Variants in ARHGAP23 observed in about 807,000 individuals in gnomAD.
ARHGAP23 encodes the protein rho GTPase-activating protein 23.
A neutral mutation model predicts 136.3 loss-of-function variants in ARHGAP23; 34 were observed. The observed-to-expected ratio is 0.25, with a 90% CI of 0.19 to 0.33. The LOEUF (loss-of-function observed/expected upper bound fraction) is 0.33, where lower values mean the gene tolerates loss of function less well. ARHGAP23 is among the 10% of genes least tolerant of loss of function. ARHGAP23 has a pLI of 1.00. For missense variants in ARHGAP23, 1,808 were observed against 2,139.0 expected (o/e 0.85, Z 3.05); for synonymous variants, 832 against 920.5 (o/e 0.90, Z 1.74).
At chr17:38,482,215 G>A (rs2040061217) in intron 15 of ARHGAP23, 72 bp downstream of exon 15, 1 of 1,523,930 alleles carries the variant, frequency 6.6e-7, no homozygotes, top group Admixed American at 2.3e-5. Context: ...GAGCAGCAAG[G>A]GACATGGAAC....
intron 11 of ARHGAP23, among the ~76,000 whole-genome samples, chr17:38,474,743 A>C (rs2039850145): frequency 7.1e-6 from 1 of 141,834 alleles, no homozygotes; most frequent in Non-Finnish European, 1.6e-5. Flanking sequence ...GACCCGGCTG[A>C]GCCTTGAGAG....
At chr17:38,494,303 G>A (rs2040341841) in intron 20 of ARHGAP23, among the ~76,000 whole-genome samples, 1 of 152,202 alleles carries the variant, frequency 6.6e-6, no homozygotes, top group African/African-American at 2.4e-5. Flanking sequence ...AAGCACTCGC[G>A]GCGGTGCCTG....
intron 1 of ARHGAP23, among the ~76,000 whole-genome samples, chr17:38,456,345 A>C (rs59964389): frequency 0.26 from 40,052 of 152,062 alleles, 5,646 homozygotes; most frequent in East Asian, 0.43. Context: ...GAATGAACTT[A>C]TTGGCATCAG....
intron 6 of ARHGAP23, among the ~76,000 whole-genome samples, chr17:38,465,833 G>C (rs879238139): frequency 6.6e-6 from 1 of 152,170 alleles, no homozygotes; most frequent in Non-Finnish European, 1.5e-5. Context: ...GTGGACATAA[G>C]GGGGCAGGCA....
In ARHGAP23 at chr17:38,446,609, ATTTT is replaced by A. The variant is rs59571187; in HGVS notation, c.64-11477_64-11474del. 1.4e-3 allele frequency among the ~76,000 whole-genome samples: 190 copies of A among 131,630 alleles called. 1 individual carries two copies. The highest frequency in any genetic ancestry group is 4.7e-3 in the African/African-American group (167 of 35,718). 86.4% of individuals were successfully genotyped at this position (131,630 alleles called of 152,430 possible). On this transcript the variant is annotated intron_variant, in intron 1 of 23. Coordinates refer to ENST00000622683, the MANE Select transcript of ARHGAP23 (RefSeq NM_001199417.2). ...GGATCATATGGTAATTCTGTGTTTAATTTTTTTTTTTTTTTTTTTGAGACGGAGT... is the reference window on the plus strand; with the variant it reads ...GGATCATATGGTAATTCTGTGTTTAATTTTTTTTTTTTTTTGAGACGGAGT...
intron 8 of ARHGAP23, 57 bp from the exon 9 acceptor site, chr17:38,469,467 G>C (rs1019730486): frequency 1.5e-5 from 23 of 1,505,994 alleles, no homozygotes; most frequent in Non-Finnish European, 2.1e-5. Context: ...AGGGCTCTGG[G>C]AAGCCCCTGA....
At chr17:38,490,878 G>T (rs1158361893) in intron 19 of ARHGAP23, among the ~76,000 whole-genome samples, 3 of 152,204 alleles carry the variant, frequency 2.0e-5, no homozygotes, top group African/African-American at 7.2e-5. Context: ...GTTCTGCAGT[G>T]GGGAAAATGA....
At chr17:38,465,735 C>T (rs2039574447) in intron 6 of ARHGAP23, among the ~76,000 whole-genome samples, 1 of 152,040 alleles carries the variant, frequency 6.6e-6, no homozygotes, top group Non-Finnish European at 1.5e-5. Flanking sequence ...CACCCAGACA[C>T]ACCCCTAGCC....
intron 20 of ARHGAP23, among the ~76,000 whole-genome samples, chr17:38,494,214 C>T (rs1419251426): frequency 2.0e-5 from 3 of 152,190 alleles, no homozygotes; most frequent in Non-Finnish European, 4.4e-5. Flanking sequence ...AAGTTCCTTA[C>T]CTGCTGTGCC....
At position 38,477,443 on chromosome 17, in the gene ARHGAP23, C is replaced by G; in HGVS notation, c.2119-136C>G. 2.3e-6 allele frequency: 2 copies of G among 863,450 alleles called. No homozygotes were observed. Among genetic ancestry groups the G allele is most frequent in the Non-Finnish European group, 2.9e-6 (2 of 682,918 alleles). The allele number at this position is 863,450 out of a possible 1,614,324, so 53.5% of individuals were successfully genotyped here. A position where few individuals can be genotyped will look rare whatever the true frequency, so the allele number is the denominator to read the frequency against. ...TGGGCAGGAGGCTGCCCAGGTCTAGCCGGGTGGAGCAGGGGGCTCCTGGTA... is the reference window on the plus strand; with the variant it reads ...TGGGCAGGAGGCTGCCCAGGTCTAGGCGGGTGGAGCAGGGGGCTCCTGGTA... On this transcript the variant is annotated intron_variant, in intron 11 of 23. Coordinates refer to ENST00000622683, the MANE Select transcript of ARHGAP23 (RefSeq NM_001199417.2). The surrounding 1 kb of genome is among the most constrained non-coding windows in gnomAD (Gnocchi z 6.6).
chr17:38,428,068 G>A (rs2038595688), upstream of ARHGAP23, among the ~76,000 whole-genome samples: 1 of 152,132 alleles, frequency 6.6e-6, no homozygotes, highest in African/African-American at 2.4e-5. Context: ...ATCTCTGGCT[G>A]GCTGTTTCTC....
chr17:38,433,231 G>C (rs999704492), intron 1 of ARHGAP23, among the ~76,000 whole-genome samples: 1 of 152,172 alleles, frequency 6.6e-6, no homozygotes, highest in Non-Finnish European at 1.5e-5. Flanking sequence ...AAAGTGCGGG[G>C]ATTACAGGTG....
intron 1 of ARHGAP23, among the ~76,000 whole-genome samples, chr17:38,449,229 C>T (rs1446283775): frequency 6.6e-6 from 1 of 152,222 alleles, no homozygotes; most frequent in Non-Finnish European, 1.5e-5. Context: ...GCTTCCGTGG[C>T]TCTGGCCTAG....
chr17:38,451,576 A>C (rs2039167825), intron 1 of ARHGAP23: 1 of 152,244 alleles, frequency 6.6e-6, no homozygotes, highest in Non-Finnish European at 1.5e-5. Flanking sequence ...AGAACCAGGG[A>C]CTGGACTAGC....
intron 23 of ARHGAP23, among the ~76,000 whole-genome samples, chr17:38,501,383 G>A (rs2144795475): frequency 6.6e-6 from 1 of 152,072 alleles, no homozygotes; most frequent in Admixed American, 6.6e-5. Flanking sequence ...CTCACTGCAA[G>A]CTCCGCCTCC....
At chr17:38,495,868 G>A (rs972505345) in intron 20 of ARHGAP23, among the ~76,000 whole-genome samples, 2 of 151,676 alleles carry the variant, frequency 1.3e-5, no homozygotes, top group Non-Finnish European at 1.5e-5. Context: ...TAGGTGTTGA[G>A]GGGGGTAAAG....
intron 16 of ARHGAP23, among the ~76,000 whole-genome samples, chr17:38,483,319 G>A (rs2040088564): frequency 6.6e-6 from 1 of 152,228 alleles, no homozygotes; most frequent in African/African-American, 2.4e-5. Flanking sequence ...CTGCAACATG[G>A]AAAGAGAAGT....
At chr17:38,467,618 A>G (rs1431583116) in intron 7 of ARHGAP23, among the ~76,000 whole-genome samples, 1 of 150,476 alleles carries the variant, frequency 6.6e-6, no homozygotes. Flanking sequence ...CCATCCATCC[A>G]TCCATCATCT....
chr17:38,429,017 C>A (rs1465205455), intron 1 of ARHGAP23, among the ~76,000 whole-genome samples: 2 of 152,188 alleles, frequency 1.3e-5, no homozygotes, highest in African/African-American at 4.8e-5. Context: ...TCCACTAAGG[C>A]GTCCGGACAC....
Sources: allele counts gnomAD v4.1 joint callset (sites outside exome capture counted in the v4.1 genomes callset), GRCh38; gene constraint gnomAD v4.1.1; non-coding constraint Gnocchi (gnomAD v3.1); transcripts MANE v1.5; gene names NCBI Gene and HGNC (gene_info 2026-07-23, HGNC 2026-07-21).